The following PKHD1 variants were observed in gnomAD, a reference collection of about 807,000 sequenced individuals.
PKHD1 encodes PKHD1 ciliary IPT domain containing fibrocystin/polyductin.
PKHD1 carries 291 observed loss-of-function variants against 412.0 expected under a neutral mutation model. The observed-to-expected ratio is 0.71, with a 90% CI of 0.64 to 0.78. PKHD1 has a LOEUF of 0.78. Among genes scored for constraint, PKHD1 ranks in the 30% least tolerant of loss-of-function variants. The probability of loss-of-function intolerance (pLI) is 0.00; values close to 1 mark genes in which losing one functional copy is unlikely to be tolerated. For missense variants in PKHD1, 4,825 were observed against 4,950.7 expected (o/e 0.97, Z 0.76); for synonymous variants, 1,777 against 1,821.5 (o/e 0.98, Z 0.62).
Position 52,036,427 on chromosome 6 carries a change from C to T in PKHD1, c.3098-706G>A, listed in dbSNP as rs984927185. Among the ~76,000 whole-genome samples the T allele has an allele frequency of 7.2e-5, 11 of 152,222 alleles. No homozygotes were observed. The East Asian group carries it at 9.6e-4, about 13-fold the overall frequency. On this transcript the variant is annotated intron_variant, in intron 27 of 66. Transcript: ENST00000371117. ...GCTCCAGTTCTGCTATCATGGCACA[C>T]GTTTCCATGTGGAGGAGCAGCCTTT...
intron 51 of PKHD1, among the ~76,000 whole-genome samples, chr6:51,833,000 T>C (rs1768537832): frequency 6.6e-6 from 1 of 152,134 alleles, no homozygotes; most frequent in African/African-American, 2.4e-5. Flanking sequence ...CTGTAATACC[T>C]TTCTAAGTTT....
intron 35 of PKHD1, 80 bp from the exon 36 acceptor site, chr6:51,960,106 G>T: frequency 7.6e-7 from 1 of 1,320,170 alleles, no homozygotes; most frequent in Non-Finnish European, 1.1e-6. Flanking sequence ...TCGCTGGTTT[G>T]TTGGTTTGTT....
chr6:51,725,232 G>A (rs1281805157), intron 60 of PKHD1, among the ~76,000 whole-genome samples: 2 of 152,128 alleles, frequency 1.3e-5, no homozygotes, highest in African/African-American at 2.4e-5. Context: ...TCCCCAGTGT[G>A]GGACCATGTA....
chr6:51,753,304 C>T lies in PKHD1; in HGVS notation c.8847G>A (p.Glu2949=), dbSNP rs1340211741. 6.2e-7 allele frequency: 1 copy of T among 1,613,688 alleles called. No individual in the cohort carries two copies. The highest frequency in any genetic ancestry group is 8.5e-7 in the Non-Finnish European group (1 of 1,179,764). ...GTATATTTCGGGTCAACAGTCCAAC[C>T]TCAGCAGCCAAACGAATGTGTCGGC... The part of the protein sequence containing the change: ...EDGRHIRLAA[E]VGLLTRNIQI... Residue 2949 remains glutamate (E), a synonymous_variant, in exon 57 of 67, where the codon GAG becomes GAA. Transcript: ENST00000371117.
intron 60 of PKHD1, among the ~76,000 whole-genome samples, chr6:51,729,033 C>A (rs943831834): frequency 1.3e-5 from 2 of 152,204 alleles, no homozygotes; most frequent in African/African-American, 4.8e-5. Flanking sequence ...ATATAGCCTA[C>A]AGATATGGAT....
At chr6:51,637,673 A>C (rs1318296097) in intron 64 of PKHD1, among the ~76,000 whole-genome samples, 1 of 152,048 alleles carries the variant, frequency 6.6e-6, no homozygotes, top group East Asian at 1.9e-4. Context: ...AGGGAGGCTG[A>C]GGCAGGCGAA....
intron 60 of PKHD1, among the ~76,000 whole-genome samples, chr6:51,699,436 A>T (rs922429673): frequency 5.3e-5 from 8 of 152,146 alleles, no homozygotes; most frequent in African/African-American, 1.9e-4. Context: ...ACTTCTCAAC[A>T]CTAGTCCACA....
chr6:51,812,079 G>C (rs927795483), intron 52 of PKHD1, among the ~76,000 whole-genome samples: 5 of 152,168 alleles, frequency 3.3e-5, no homozygotes, highest in East Asian at 3.9e-4. Flanking sequence ...AGCATGGAGA[G>C]AGCAGCAGGA....
At chr6:51,934,418 T>C in intron 36 of PKHD1, 96 bp from the exon 37 acceptor site, 4 of 794,780 alleles carry the variant, frequency 5.0e-6, no homozygotes, top group Non-Finnish European at 8.9e-6. Flanking sequence ...ATTTAAATAC[T>C]TCTGCTGGAA....
At chr6:51,982,719 C>G (rs1795626497) in intron 35 of PKHD1, among the ~76,000 whole-genome samples, 1 of 144,770 alleles carries the variant, frequency 6.9e-6, no homozygotes, top group Non-Finnish European at 1.5e-5. Flanking sequence ...GACCTTTGTT[C>G]ACTTGTTTAT....
At chr6:51,694,379 A>C (rs1018962535) in intron 60 of PKHD1, among the ~76,000 whole-genome samples, 3 of 151,650 alleles carry the variant, frequency 2.0e-5, no homozygotes, top group Admixed American at 2.0e-4. Context: ...TTAATTCATT[A>C]AATTTATTTA....
At chr6:51,786,544 C>A (rs1792881278) in intron 53 of PKHD1, among the ~76,000 whole-genome samples, 3 of 152,174 alleles carry the variant, frequency 2.0e-5, no homozygotes, top group South Asian at 4.1e-4. Flanking sequence ...GGTCAAGGTG[C>A]TTCATCTACT....
chr6:51,773,793 A>C (rs1213453765), intron 54 of PKHD1, among the ~76,000 whole-genome samples: 1 of 145,140 alleles, frequency 6.9e-6, no homozygotes, highest in East Asian at 2.0e-4. Flanking sequence ...GATAAGGACC[A>C]AAAAAAAAAT....
rs114862393 is a variant in PKHD1, at chr6:51,709,683, C to T, written c.10156+34702G>A. Among the ~76,000 whole-genome samples the T allele has an allele frequency of 6.7e-3, 1,018 of 152,176 alleles. 5 individuals are homozygous for T. Among genetic ancestry groups the T allele is most frequent in the Middle Eastern group, 0.024 (7 of 294 alleles). ...ATTGAAATAGACTTTTGTTCACTGA[C>T]GTAAAGGTTTTCCTATGATTTTTAA... On this transcript the variant is annotated intron_variant, in intron 60 of 66. Transcript: ENST00000371117.
rs369741624 is a variant in PKHD1, at chr6:51,817,702, G to A, written c.8302+13159C>T. 5.9e-5 allele frequency among the ~76,000 whole-genome samples: 9 copies of A among 152,222 alleles called. No individual in the cohort carries two copies. In the South Asian group the frequency reaches 1.2e-3, roughly 21 times the overall value. The stretch of plus-strand genomic sequence containing the variant: ...CCTCCATCCATTCATTCACTCACTC[G>A]CTCACTCCTCTAACAAATAAACAAA... On this transcript the variant is annotated intron_variant, in intron 52 of 66. Coordinates refer to ENST00000371117, the MANE Select transcript of PKHD1 (RefSeq NM_138694.4).
At chr6:52,013,034 A>G (rs999747506) in intron 34 of PKHD1, among the ~76,000 whole-genome samples, 6 of 152,046 alleles carry the variant, frequency 3.9e-5, no homozygotes, top group African/African-American at 1.2e-4. Flanking sequence ...ACCCCTTCTC[A>G]TGGTTCATTG....
chr6:51,995,696 CAT>C (rs966150684), intron 35 of PKHD1, among the ~76,000 whole-genome samples: 1 of 152,200 alleles, frequency 6.6e-6, no homozygotes, highest in Admixed American at 6.5e-5. Context: ...TTTATTATCA[CAT>C]GATTATATTT....
chr6:51,704,992 T>C (rs563384698), intron 60 of PKHD1, among the ~76,000 whole-genome samples: 2 of 151,964 alleles, frequency 1.3e-5, no homozygotes, highest in Non-Finnish European at 2.9e-5. Flanking sequence ...TCTGAGGTAG[T>C]GGTGGCTCCC....
At chr6:51,721,325 ATTGG>A in intron 60 of PKHD1, 1 of 735,486 alleles carries the variant, frequency 1.4e-6, no homozygotes, top group Non-Finnish European at 1.7e-6. Context: ...ACCCACTATT[ATTGG>A]TATATTAGTA....
Sources: allele counts gnomAD v4.1 joint callset (sites outside exome capture counted in the v4.1 genomes callset), GRCh38; gene constraint gnomAD v4.1.1; transcripts MANE v1.5; gene names NCBI Gene and HGNC (gene_info 2026-07-23, HGNC 2026-07-21).